The following SHANK2 variants were observed in gnomAD, a reference collection of about 807,000 sequenced individuals.
SHANK2 encodes the protein SH3 and multiple ankyrin repeat domains 2, also known as SH3 and multiple ankyrin repeat domains protein 2.
SHANK2 carries 43 observed loss-of-function variants against 133.7 expected under a neutral mutation model. The observed-to-expected ratio is 0.32, with a 90% CI of 0.25 to 0.41. SHANK2 has a LOEUF of 0.41. Among genes scored for constraint, SHANK2 ranks in the 10% least tolerant of loss-of-function variants. The probability of loss-of-function intolerance (pLI) is 1.00; values close to 1 mark genes in which losing one functional copy is unlikely to be tolerated. For missense variants in SHANK2, 1,994 were observed against 2,235.8 expected (o/e 0.89, Z 2.18); for synonymous variants, 1,017 against 952.8 (o/e 1.07, Z -1.24).
At chr11:70,927,622 C>T (rs1394445931) in intron 10 of SHANK2, among the ~76,000 whole-genome samples, 1 of 152,124 alleles carries the variant, frequency 6.6e-6, no homozygotes, top group Non-Finnish European at 1.5e-5. Context: ...CATTAAGACA[C>T]AGGCAGGGTC....
At chr11:70,508,974 T>C (rs1331744038) in intron 17 of SHANK2, among the ~76,000 whole-genome samples, 1 of 152,128 alleles carries the variant, frequency 6.6e-6, no homozygotes, top group East Asian at 1.9e-4. Flanking sequence ...GGGTGATGCT[T>C]TGAGATGCTA....
rs201368975 is a variant in SHANK2, at chr11:70,646,829, TTTTATTTA to T, written c.2061+12991_2061+12998del. ...TTAAAAGGAATCTAACTTTTATTTA[TTTTATTTA>T]TTTATTTATTTATTTATTTATTTAT... is the stretch of plus-strand genomic sequence containing the variant. On this transcript the variant is annotated intron_variant, in intron 17 of 25. Transcript: ENST00000601538. 6.5e-3 allele frequency among the ~76,000 whole-genome samples: 535 copies of T among 81,954 alleles called. 2 individuals are homozygous for T. Among genetic ancestry groups the T allele is most frequent in the Middle Eastern group, 0.019 (3 of 156 alleles). The allele number at this position is 81,954 out of a possible 152,430, so 53.8% of individuals were successfully genotyped here.
At chr11:70,788,073 G>A (rs782478148) in intron 14 of SHANK2, among the ~76,000 whole-genome samples, 17 of 152,196 alleles carry the variant, frequency 1.1e-4, no homozygotes, top group Non-Finnish European at 2.4e-4. Context: ...GCAGGATGGC[G>A]GAACATGACT....
intron 17 of SHANK2, among the ~76,000 whole-genome samples, chr11:70,597,861 A>G (rs144301697): frequency 6.6e-6 from 1 of 152,318 alleles, no homozygotes; most frequent in African/African-American, 2.4e-5. Context: ...CGACAAAGCA[A>G]GACTCCATCT....
intron 2 of SHANK2, among the ~76,000 whole-genome samples, chr11:71,153,689 G>A (rs182106830): frequency 2.6e-5 from 4 of 152,256 alleles, no homozygotes; most frequent in South Asian, 2.1e-4. Flanking sequence ...GAGTTCAGCC[G>A]GGTGCAGTGG....
chr11:70,492,298 G>GC (rs782161633), intron 22 of SHANK2, 37 bp downstream of exon 22: 1 of 1,604,254 alleles, frequency 6.2e-7, no homozygotes, highest in Admixed American at 1.7e-5. Context: ...GGCACCGTCG[G>GC]CCCCCGCCCT....
At chr11:71,219,712 A>G (rs1954496123) in intron 2 of SHANK2, among the ~76,000 whole-genome samples, 1 of 151,192 alleles carries the variant, frequency 6.6e-6, no homozygotes, top group Admixed American at 6.6e-5. Context: ...GCAACATGGT[A>G]AAATCCCGTC....
intron 17 of SHANK2, among the ~76,000 whole-genome samples, chr11:70,644,808 C>T (rs561612343): frequency 6.6e-6 from 1 of 152,202 alleles, no homozygotes; most frequent in East Asian, 1.9e-4. Flanking sequence ...AAACAACAGC[C>T]CATGCCTTTT....
intron 11 of SHANK2, among the ~76,000 whole-genome samples, chr11:70,870,023 T>G (rs1220819400): frequency 3.3e-5 from 5 of 151,952 alleles, no homozygotes; most frequent in African/African-American, 1.2e-4. Context: ...TGGAAATGGG[T>G]CATTGCCTCC....
At chr11:70,903,703 C>T (rs1015903447) in intron 10 of SHANK2, among the ~76,000 whole-genome samples, 4 of 152,182 alleles carry the variant, frequency 2.6e-5, no homozygotes, top group South Asian at 2.1e-4. Flanking sequence ...CTGGAAGCCC[C>T]GACTTGTGAA....
At chr11:71,132,774 T>C (rs1198972364) in intron 3 of SHANK2, among the ~76,000 whole-genome samples, 8 of 152,222 alleles carry the variant, frequency 5.3e-5, no homozygotes, top group Admixed American at 5.2e-4. Flanking sequence ...TGACTTTCCA[T>C]GGCAACTTTC....
At chr11:70,671,849 C>T (rs548595821) in intron 15 of SHANK2, among the ~76,000 whole-genome samples, 6 of 152,256 alleles carry the variant, frequency 3.9e-5, no homozygotes, top group African/African-American at 1.4e-4. Context: ...CCAGGCAGAA[C>T]ACCCAAGTGC....
intron 17 of SHANK2, among the ~76,000 whole-genome samples, chr11:70,628,623 C>G (rs2136506885): frequency 6.6e-6 from 1 of 152,304 alleles, no homozygotes; most frequent in African/African-American, 2.4e-5. Flanking sequence ...GACGCCAGCC[C>G]CATGCTCACT....
intron 10 of SHANK2, chr11:70,942,645 A>G (rs781995241): frequency 6.6e-6 from 3 of 456,944 alleles, no homozygotes; most frequent in South Asian, 4.6e-5. Context: ...TTCACTTCTA[A>G]CAGATGAACT....
chr11:70,850,744 C>T (rs2135465144), intron 11 of SHANK2, among the ~76,000 whole-genome samples: 1 of 152,290 alleles, frequency 6.6e-6, no homozygotes, highest in Non-Finnish European at 1.5e-5. Context: ...TCCCATCAGA[C>T]TGCTGGCGAA....
chr11:70,617,487 G>A (rs1427699084), intron 17 of SHANK2, among the ~76,000 whole-genome samples: 2 of 85,216 alleles, frequency 2.3e-5, no homozygotes, highest in Non-Finnish European at 5.7e-5. Flanking sequence ...GAGCAGATTT[G>A]TCAAAACGGG....
intron 17 of SHANK2, among the ~76,000 whole-genome samples, chr11:70,548,813 T>C (rs2059728060): frequency 6.6e-6 from 1 of 152,142 alleles, no homozygotes; most frequent in Non-Finnish European, 1.5e-5. Flanking sequence ...CCTAATCCAG[T>C]CATTGGTGTT....
intron 17 of SHANK2, among the ~76,000 whole-genome samples, chr11:70,595,309 G>A (rs974278949): frequency 7.9e-5 from 12 of 152,266 alleles, no homozygotes; most frequent in Admixed American, 5.2e-4. Flanking sequence ...CCCTCCAAGC[G>A]CCCCCTCGCA....
At chr11:70,725,408 C>T (rs979269094) in intron 14 of SHANK2, among the ~76,000 whole-genome samples, 2 of 152,210 alleles carry the variant, frequency 1.3e-5, no homozygotes, top group African/African-American at 2.4e-5. Flanking sequence ...AGGCACATGG[C>T]GCTGAGGGCT....
Sources: allele counts gnomAD v4.1 joint callset (sites outside exome capture counted in the v4.1 genomes callset), GRCh38; gene constraint gnomAD v4.1.1; transcripts MANE v1.5; gene names NCBI Gene and HGNC (gene_info 2026-07-23, HGNC 2026-07-21).